Variants in EFR3A observed in about 807,000 individuals in gnomAD.
EFR3A encodes EFR3 homolog A.
EFR3A carries 76 observed loss-of-function variants against 104.4 expected under a neutral mutation model. The observed-to-expected ratio is 0.73, with a 90% CI of 0.60 to 0.88. The LOEUF is 0.88. EFR3A is among the 40% of genes least tolerant of loss of function. The probability of loss-of-function intolerance (pLI) is 0.00; values close to 1 mark genes in which losing one functional copy is unlikely to be tolerated. For synonymous variants in EFR3A, 330 were observed against 330.0 expected, an observed-to-expected ratio of 1.00 and a Z score of 0.00; for missense variants, 985 against 1,012.5, an observed-to-expected ratio of 0.97 and a Z score of 0.37.
At chr8:131,971,735 A>G (rs4507748) in intron 10 of EFR3A, among the ~76,000 whole-genome samples, 9,683 of 152,034 alleles carry the variant, frequency 0.064, 585 homozygotes, top group African/African-American at 0.15. Context: ...GGAATACTAC[A>G]TACGTGATAT....
At position 131,904,101 on chromosome 8, in the gene EFR3A, C is replaced by T. The variant is rs2130346398; in HGVS notation, c.-212C>T. The T allele has an allele frequency of 4.3e-6, 2 of 468,854 alleles. No homozygotes were observed. Among genetic ancestry groups the T allele is most frequent in the East Asian group, 7.8e-5 (2 of 25,732 alleles). The allele number at this position is 468,854 out of a possible 1,614,324, so 29.0% of individuals were successfully genotyped here. A position where few individuals can be genotyped will look rare whatever the true frequency, so the allele number is the denominator to read the frequency against. On this transcript the variant is annotated 5_prime_UTR_variant, in exon 1 of 23. Coordinates refer to ENST00000254624, the MANE Select transcript of EFR3A (RefSeq NM_015137.6). ...CGTAACGGGCGTGGGTCGTCCGTCGCGCCGCCCGGCGAGGAGTGGGCTGGC... is the reference window on the plus strand; with the variant it reads ...CGTAACGGGCGTGGGTCGTCCGTCGTGCCGCCCGGCGAGGAGTGGGCTGGC...
intron 1 of EFR3A, 150 bp downstream of exon 1, chr8:131,904,472 C>T: frequency 2.5e-6 from 2 of 816,006 alleles, no homozygotes; most frequent in Non-Finnish European, 1.6e-6. Context: ...AGTTTCGTTT[C>T]GGCTTAGCCT....
intron 5 of EFR3A, among the ~76,000 whole-genome samples, chr8:131,952,058 G>C (rs1252144218): frequency 6.6e-6 from 1 of 151,928 alleles, no homozygotes; most frequent in Non-Finnish European, 1.5e-5. Flanking sequence ...TTGAAGAACT[G>C]GCTCCCACTT....
intron 1 of EFR3A, among the ~76,000 whole-genome samples, chr8:131,905,120 G>A (rs1486994704): frequency 6.6e-6 from 1 of 152,198 alleles, no homozygotes; most frequent in East Asian, 1.9e-4. Context: ...TATAGCCACT[G>A]GTCAATGTGG....
intron 1 of EFR3A, among the ~76,000 whole-genome samples, chr8:131,930,255 T>C (rs1351283716): frequency 6.6e-6 from 1 of 152,098 alleles, no homozygotes; most frequent in East Asian, 1.9e-4. Flanking sequence ...GCTTATGTTT[T>C]AGAGCCTACT....
chr8:131,938,338 A>G (rs1818009679), intron 1 of EFR3A: 1 of 397,244 alleles, frequency 2.5e-6, no homozygotes, highest in African/African-American at 2.1e-5. Context: ...ATTTTATTTT[A>G]CTTGTTCTGA....
intron 2 of EFR3A, among the ~76,000 whole-genome samples, chr8:131,943,414 T>A (rs1368123768): frequency 6.6e-6 from 1 of 151,858 alleles, no homozygotes; most frequent in East Asian, 1.9e-4. Flanking sequence ...ATTTCAATGA[T>A]GATGTGGAGG....
chr8:131,976,227 T>C (rs1410102804), intron 11 of EFR3A, 86 bp downstream of exon 11: 1 of 914,206 alleles, frequency 1.1e-6, no homozygotes, highest in East Asian at 2.7e-5. Context: ...GTTTTGTTTT[T>C]TTTTAAAAAT....
intron 8 of EFR3A, among the ~76,000 whole-genome samples, chr8:131,964,915 A>C (rs1000193653): frequency 8.5e-5 from 13 of 152,280 alleles, no homozygotes; most frequent in Non-Finnish European, 1.5e-4. Flanking sequence ...AATGCCACAT[A>C]TCTACAACTC....
chr8:131,952,228 C>T (rs1185386802), intron 5 of EFR3A, among the ~76,000 whole-genome samples: 1 of 152,116 alleles, frequency 6.6e-6, no homozygotes, highest in Non-Finnish European at 1.5e-5. Flanking sequence ...TTCTGTGTGC[C>T]AGTTATTGTT....
At chr8:131,939,278 T>A (rs1339303366) in intron 1 of EFR3A, among the ~76,000 whole-genome samples, 2 of 152,112 alleles carry the variant, frequency 1.3e-5, no homozygotes, top group African/African-American at 4.8e-5. Flanking sequence ...CCAGCCCAGC[T>A]GGACGGAGGG....
intron 2 of EFR3A, among the ~76,000 whole-genome samples, chr8:131,942,050 A>G (rs905869569): frequency 6.6e-6 from 1 of 152,086 alleles, no homozygotes; most frequent in African/African-American, 2.4e-5. Flanking sequence ...TACTGAAGGT[A>G]AGGTGGAGGC....
intron 1 of EFR3A, among the ~76,000 whole-genome samples, chr8:131,934,268 G>A (rs761872834): frequency 3.9e-5 from 6 of 152,048 alleles, no homozygotes; most frequent in African/African-American, 9.7e-5. Context: ...TGTTGCTTGC[G>A]TTGTTCCATT....
At chr8:131,964,615 G>A (rs1819590835) in intron 8 of EFR3A, among the ~76,000 whole-genome samples, 1 of 152,064 alleles carries the variant, frequency 6.6e-6, no homozygotes, top group African/African-American at 2.4e-5. Flanking sequence ...CATGGTAGAA[G>A]AATCAATATC....
intron 17 of EFR3A, among the ~76,000 whole-genome samples, chr8:131,986,675 C>T (rs1293204847): frequency 6.6e-6 from 1 of 151,578 alleles, no homozygotes; most frequent in Non-Finnish European, 1.5e-5. Context: ...GTCCCAGCTA[C>T]TCAGGAGGCT....
intron 1 of EFR3A, among the ~76,000 whole-genome samples, chr8:131,927,628 T>C (rs1334102027): frequency 6.6e-6 from 1 of 152,202 alleles, no homozygotes; most frequent in East Asian, 1.9e-4. Flanking sequence ...CATATACTCA[T>C]ATACAAAATG....
At chr8:131,943,994 G>A (rs1818298788) in intron 2 of EFR3A, among the ~76,000 whole-genome samples, 1 of 152,082 alleles carries the variant, frequency 6.6e-6, no homozygotes, top group South Asian at 2.1e-4. Context: ...AAAGAACATT[G>A]AGGGACCAGT....
chr8:131,924,131 A>G (rs1355191240), intron 1 of EFR3A: 1 of 444,296 alleles, frequency 2.3e-6, no homozygotes, highest in Non-Finnish European at 4.5e-6. Flanking sequence ...TGTGAGAACT[A>G]AGGACCAATG....
intron 14 of EFR3A, 43 bp downstream of exon 14, chr8:131,979,464 A>G (rs1820493706): frequency 7.4e-7 from 1 of 1,348,602 alleles, no homozygotes; most frequent in Non-Finnish European, 1.0e-6. Context: ...TGTAAATTAC[A>G]GCCGTTTGAA....
Sources: gnomAD v4.1 joint callset for allele counts (sites outside exome capture counted in the v4.1 genomes callset) on GRCh38, gnomAD v4.1.1 for gene constraint, MANE v1.5 for transcripts, NCBI Gene and HGNC (gene_info 2026-07-23, HGNC 2026-07-21) for gene names.